The following POR variants were observed in gnomAD, a reference collection of about 807,000 sequenced individuals.
POR encodes NADPH--cytochrome P450 reductase.
A neutral mutation model predicts 84.0 loss-of-function variants in POR; 56 were observed. That is an observed-to-expected ratio of 0.67 (90% CI 0.54 to 0.83). The LOEUF is 0.83. POR is among the 40% of genes least tolerant of loss of function. The pLI, the probability that POR is intolerant of heterozygous loss-of-function variation, is 0.00. For missense variants in POR, 938 were observed against 944.3 expected, an observed-to-expected ratio of 0.99 and a Z score of 0.09; for synonymous variants, 414 against 400.5, an observed-to-expected ratio of 1.03 and a Z score of -0.40.
intron 1 of POR, among the ~76,000 whole-genome samples, chr7:75,920,060 T>TC (rs1248581913): frequency 8.5e-6 from 1 of 118,294 alleles, no homozygotes; most frequent in Non-Finnish European, 1.6e-5. Flanking sequence ...GAATTTCTTT[T>TC]TTTTTTTTTT....
At chr7:75,959,147 A>C (rs1390547114) in intron 2 of POR, among the ~76,000 whole-genome samples, 1 of 152,160 alleles carries the variant, frequency 6.6e-6, no homozygotes, top group East Asian at 1.9e-4. Flanking sequence ...CCAAGGCAGG[A>C]GGATTGCTTA....
At chr7:75,929,958 T>A (rs1807328580) in intron 1 of POR, among the ~76,000 whole-genome samples, 1 of 152,198 alleles carries the variant, frequency 6.6e-6, no homozygotes, top group South Asian at 2.1e-4. Flanking sequence ...CCCTTCCTTG[T>A]CTAGGGTTGC....
At chr7:75,969,957 G>A (rs959484179) in intron 2 of POR, among the ~76,000 whole-genome samples, 9 of 152,198 alleles carry the variant, frequency 5.9e-5, no homozygotes, top group African/African-American at 1.9e-4. Flanking sequence ...CGACAGTAGC[G>A]TTGCTGCGTG....
At chr7:75,922,328 T>G (rs1440266712) in intron 1 of POR, among the ~76,000 whole-genome samples, 2 of 150,884 alleles carry the variant, frequency 1.3e-5, no homozygotes, top group East Asian at 3.9e-4. Context: ...AGTTTTTTTT[T>G]TTTTTTTTTT....
intron 1 of POR, among the ~76,000 whole-genome samples, chr7:75,918,296 ACT>A (rs1489801252): frequency 6.6e-6 from 1 of 151,650 alleles, no homozygotes. Context: ...ACAGAGTGAG[ACT>A]CTGTCTCAGA....
chr7:75,970,417 C>G (rs573070639), intron 2 of POR, among the ~76,000 whole-genome samples: 2 of 151,956 alleles, frequency 1.3e-5, no homozygotes, highest in African/African-American at 4.8e-5. Flanking sequence ...AGATCATCGC[C>G]CACTGCAGCT....
At chr7:75,953,848 T>A (rs1396021911) in intron 1 of POR, 141 bp from the exon 2 acceptor site, 1 of 639,248 alleles carries the variant, frequency 1.6e-6, no homozygotes, top group African/African-American at 1.8e-5. Flanking sequence ...CCTGGCTGAG[T>A]GAGCCCCTTC....
chr7:75,951,717 A>C (rs1787430702), intron 1 of POR, among the ~76,000 whole-genome samples: 2 of 152,228 alleles, frequency 1.3e-5, no homozygotes, highest in South Asian at 2.1e-4. Flanking sequence ...TGAAAAACCC[A>C]GTCGGTCATA....
At chr7:75,921,428 A>C (rs957002881) in intron 1 of POR, among the ~76,000 whole-genome samples, 1 of 151,754 alleles carries the variant, frequency 6.6e-6, no homozygotes. Flanking sequence ...CGCCCAGCTA[A>C]TTTTTGTATT....
At chr7:75,953,356 TAA>T (rs781821579) in intron 1 of POR, among the ~76,000 whole-genome samples, 60 of 122,292 alleles carry the variant, frequency 4.9e-4, no homozygotes, top group Admixed American at 5.8e-4. Context: ...CTTTGTCTCT[TAA>T]AAAAAAAAAA....
chr7:75,919,908 G>A (rs183619433), intron 1 of POR, among the ~76,000 whole-genome samples: 34 of 152,118 alleles, frequency 2.2e-4, no homozygotes, highest in East Asian at 7.7e-4. Flanking sequence ...TGTGGCATTC[G>A]GATCTCCTTT....
intron 2 of POR, among the ~76,000 whole-genome samples, chr7:75,963,218 A>G (rs1788022979): frequency 6.6e-6 from 1 of 152,160 alleles, no homozygotes; most frequent in African/African-American, 2.4e-5. Flanking sequence ...CGAGCATGAA[A>G]AGAGAAATAC....
chr7:75,923,286 C>T, intron 1 of POR: 1 of 1,226,398 alleles, frequency 8.2e-7, no homozygotes, highest in South Asian at 1.2e-5. Context: ...AATTGCCTTC[C>T]CAAGGAAGCA....
chr7:75,953,190 G>C (rs1032987175), intron 1 of POR, among the ~76,000 whole-genome samples: 2 of 151,894 alleles, frequency 1.3e-5, no homozygotes, highest in African/African-American at 4.8e-5. Flanking sequence ...GTGGCGGCGC[G>C]CGCCTGCAAT....
chr7:75,943,739 A>G (rs1380645923), intron 1 of POR: 3 of 370,114 alleles, frequency 8.1e-6, no homozygotes, highest in Non-Finnish European at 1.6e-5. Context: ...ACAACAACTG[A>G]AAAGTATTGG....
At chr7:75,935,059 C>G (rs1563404135) in intron 1 of POR, among the ~76,000 whole-genome samples, 1 of 152,168 alleles carries the variant, frequency 6.6e-6, no homozygotes, top group Non-Finnish European at 1.5e-5. Context: ...CCACCAGCAT[C>G]TTACAACCTG....
rs1327668863 is a variant in POR at position 75,983,351 on chromosome 7, AAG to A, written c.831-165_831-164del. ...GCGAAACTCTGTCTCAAAAAAAAAA[AAG>A]AGAACTGCATTGGACCAGGCTGGGA... On this transcript the variant is annotated intron_variant, in intron 8 of 15. Transcript: ENST00000461988. 5.3e-6 allele frequency: 3 copies of A among 568,636 alleles called. No homozygotes were observed. In the African/African-American group the frequency reaches 5.7e-5, roughly 11 times the overall value. 35.2% of individuals were successfully genotyped at this position (568,636 alleles called of 1,614,324 possible). A position where few individuals can be genotyped will look rare whatever the true frequency, so the allele number is the denominator to read the frequency against.
chr7:75,930,858 T>C (rs1354427969), intron 1 of POR, among the ~76,000 whole-genome samples: 1 of 151,694 alleles, frequency 6.6e-6, no homozygotes, highest in Non-Finnish European at 1.5e-5. Context: ...GGTCTTGCTC[T>C]GTCACCCAGG....
At chr7:75,978,471 C>T (rs192393290) in intron 3 of POR, among the ~76,000 whole-genome samples, 353 of 152,230 alleles carry the variant, frequency 2.3e-3, no homozygotes, top group Non-Finnish European at 2.6e-3. Context: ...GTGTAGGCTA[C>T]ACACAAATAC....
Sources: gnomAD v4.1 joint callset for allele counts (sites outside exome capture counted in the v4.1 genomes callset) on GRCh38, gnomAD v4.1.1 for gene constraint, MANE v1.5 for transcripts, NCBI Gene and HGNC (gene_info 2026-07-23, HGNC 2026-07-21) for gene names.